The following CACNA1C variants were observed in gnomAD, a reference collection of about 807,000 sequenced individuals.
The protein encoded by CACNA1C is calcium voltage-gated channel subunit alpha1 C.
Under a neutral mutation model 229.0 loss-of-function variants are expected in CACNA1C, and 30 were observed. The observed-to-expected ratio is 0.13, with a 90% CI of 0.10 to 0.18. The LOEUF (loss-of-function observed/expected upper bound fraction) is 0.18, where lower values mean the gene tolerates loss of function less well. Ranked by LOEUF, CACNA1C falls within the 10% of genes least tolerant of loss-of-function variation. CACNA1C has a pLI of 1.00. For synonymous variants in CACNA1C, 1,114 were observed against 1,132.5 expected (o/e 0.98, Z 0.33); for missense variants, 1,658 against 2,845.0 (o/e 0.58, Z 9.49).
intron 3 of CACNA1C, among the ~76,000 whole-genome samples, chr12:2,259,073 G>C (rs140755453): frequency 1.3e-5 from 2 of 152,244 alleles, no homozygotes; most frequent in African/African-American, 2.4e-5. Flanking sequence ...GGGAAATCAC[G>C]GAACTCAATA....
intron 3 of CACNA1C, among the ~76,000 whole-genome samples, chr12:2,296,294 C>T (rs545771253): frequency 1.6e-4 from 24 of 152,300 alleles, no homozygotes; most frequent in Admixed American, 6.5e-4. Flanking sequence ...GCAGGGGAAC[C>T]TAAAACTCCA....
intron 1 of CACNA1C, among the ~76,000 whole-genome samples, chr12:1,986,890 T>C (rs1462992594): frequency 2.0e-5 from 3 of 152,232 alleles, no homozygotes; most frequent in Non-Finnish European, 4.4e-5. Flanking sequence ...AGAGATATAC[T>C]GTAGTGAACT....
chr12:2,254,088 G>T (rs1451098453), intron 3 of CACNA1C, among the ~76,000 whole-genome samples: 1 of 152,144 alleles, frequency 6.6e-6, no homozygotes, highest in African/African-American at 2.4e-5. Context: ...TTCTTAGTTT[G>T]GATGTGCCTT....
At chr12:2,496,704 C>T (rs2099747465) in intron 7 of CACNA1C, among the ~76,000 whole-genome samples, 1 of 152,260 alleles carries the variant, frequency 6.6e-6, no homozygotes, top group Admixed American at 6.5e-5. Flanking sequence ...ATTGGCCATG[C>T]ATTGCATTGA....
chr12:2,340,602 C>T (rs1017854800), intron 3 of CACNA1C, among the ~76,000 whole-genome samples: 3 of 152,266 alleles, frequency 2.0e-5, no homozygotes, highest in East Asian at 1.9e-4. Context: ...CAGAGGGATC[C>T]GGAGGGTCCC....
At chr12:2,648,627 C>T (rs913471358) in intron 31 of CACNA1C, 120 bp downstream of exon 31, 8 of 828,200 alleles carry the variant, frequency 9.7e-6, no homozygotes, top group South Asian at 7.1e-5. Context: ...TGCATGTGGC[C>T]ACTGTGTCTG....
rs560484067 is a variant in CACNA1C, at chr12:2,500,010, TCAGACCAGAGCCAGG to T, written c.1114-4828_1114-4814del. Reference sequence around the variant, plus strand: ...GGGAAGTGAAAGGAGAACTTTCCTTTCAGACCAGAGCCAGGCAGGCCAGAGAATCACCTTCTGTGG... The same window carrying T: ...GGGAAGTGAAAGGAGAACTTTCCTTTCAGGCCAGAGAATCACCTTCTGTGG... On this transcript the variant is annotated intron_variant, in intron 7 of 46. Coordinates refer to ENST00000399655, the MANE Select transcript of CACNA1C (RefSeq NM_000719.7). 8.1e-3 allele frequency among the ~76,000 whole-genome samples: 1,235 copies of T among 152,236 alleles called. 10 individuals carry two copies. Among genetic ancestry groups the T allele is most frequent in the Non-Finnish European group, 0.013 (903 of 68,000 alleles).
intron 13 of CACNA1C, among the ~76,000 whole-genome samples, chr12:2,570,727 C>T (rs1316404081): frequency 6.6e-6 from 1 of 152,082 alleles, no homozygotes; most frequent in Non-Finnish European, 1.5e-5. Context: ...AAATCTATGA[C>T]AGAATATAAT....
At chr12:2,361,563 A>G (rs974266676) in intron 3 of CACNA1C, among the ~76,000 whole-genome samples, 1 of 151,836 alleles carries the variant, frequency 6.6e-6, no homozygotes, top group Non-Finnish European at 1.5e-5. Context: ...CTGGAGTTCT[A>G]GCAGCCACTT....
At chr12:2,617,896 C>G (rs2153482745) in intron 29 of CACNA1C, among the ~76,000 whole-genome samples, 3 of 152,366 alleles carry the variant, frequency 2.0e-5, no homozygotes, top group Admixed American at 2.0e-4. Flanking sequence ...TTCTCATCTA[C>G]TCTGTCAGCT....
Position 2,145,082 on chromosome 12 carries a change from A to G in CACNA1C, c.477+24652A>G, listed in dbSNP as rs181227736. Reference sequence around the variant, plus strand: ...GCATGCACAAAAAGTATATGTGTTTAAGGCTGTTTTAACTGTTGGTGAGAT... The same window carrying G: ...GCATGCACAAAAAGTATATGTGTTTGAGGCTGTTTTAACTGTTGGTGAGAT... On this transcript the variant is annotated intron_variant, in intron 3 of 46. Transcript: ENST00000399655. 4.0e-4 allele frequency among the ~76,000 whole-genome samples: 61 copies of G among 151,492 alleles called. 3 individuals are homozygous for G. Among genetic ancestry groups the G allele is most frequent in the Non-Finnish European group, 7.4e-4 (50 of 67,668 alleles).
rs1053453003 is a variant in CACNA1C, at chr12:2,679,157, C to T, written c.5092-287C>T. Among the ~76,000 whole-genome samples, 4 of 152,212 alleles carry T rather than the reference C, an allele frequency of 2.6e-5. No individual in the cohort carries two copies. The South Asian group carries it at 8.3e-4, about 32-fold the overall frequency. ...TGGAAACCTCCAGGGCAGCTCGTAC[C>T]AGCGGCAGCCCCTTGCCCAATCCCA... is the stretch of plus-strand genomic sequence containing the variant. On this transcript the variant is annotated intron_variant, in intron 41 of 46. Transcript: ENST00000399655. The surrounding 1 kb of genome is among the most constrained non-coding windows in gnomAD (Gnocchi z 5.5).
At chr12:2,423,514 G>A (rs1026483699) in intron 3 of CACNA1C, among the ~76,000 whole-genome samples, 1 of 152,134 alleles carries the variant, frequency 6.6e-6, no homozygotes, top group Non-Finnish European at 1.5e-5. Flanking sequence ...TAAATGAAAC[G>A]ATTCATGCAA....
At chr12:2,606,005 C>T (rs1316600296) in intron 24 of CACNA1C, among the ~76,000 whole-genome samples, 1 of 152,242 alleles carries the variant, frequency 6.6e-6, no homozygotes, top group African/African-American at 2.4e-5. Context: ...ACCCTCTCCA[C>T]TTCACCTGCC....
intron 29 of CACNA1C, among the ~76,000 whole-genome samples, chr12:2,627,203 C>T (rs886555690): frequency 6.6e-6 from 1 of 152,168 alleles, no homozygotes; most frequent in African/African-American, 2.4e-5. Context: ...TGGGAGCTGA[C>T]AGAGGAGGGC....
At chr12:2,510,910 G>GC (rs2099782272) in intron 8 of CACNA1C, among the ~76,000 whole-genome samples, 1 of 152,174 alleles carries the variant, frequency 6.6e-6, no homozygotes, top group Non-Finnish European at 1.5e-5. Context: ...GGCCCCGAAG[G>GC]CTTAACCAGG....
At chr12:2,312,033 G>A (rs371909023) in intron 3 of CACNA1C, among the ~76,000 whole-genome samples, 8 of 152,194 alleles carry the variant, frequency 5.3e-5, no homozygotes, top group East Asian at 3.9e-4. Flanking sequence ...TTTCCCCCAC[G>A]TAATACAAGA....
chr12:2,255,636 C>G (rs576277436), intron 3 of CACNA1C, among the ~76,000 whole-genome samples: 43 of 152,326 alleles, frequency 2.8e-4, no homozygotes, highest in African/African-American at 9.6e-4. Context: ...TTCAGAAGAC[C>G]AGGAGGGTCA....
chr12:2,572,612 CTCTT>C (rs2056251677), intron 13 of CACNA1C, among the ~76,000 whole-genome samples: 1 of 133,176 alleles, frequency 7.5e-6, no homozygotes, highest in African/African-American at 2.8e-5. Flanking sequence ...CCTCCTTCTC[CTCTT>C]CCTCCTCCTC....
Sources: gnomAD v4.1 joint callset for allele counts (sites outside exome capture counted in the v4.1 genomes callset) on GRCh38, gnomAD v4.1.1 for gene constraint, Gnocchi (gnomAD v3.1) non-coding constraint, MANE v1.5 for transcripts, NCBI Gene and HGNC (gene_info 2026-07-23, HGNC 2026-07-21) for gene names.